The following QRFPR variants were observed in gnomAD, a reference collection of about 807,000 sequenced individuals.
QRFPR encodes pyroglutamylated RF-amide peptide receptor.
In QRFPR, 37 loss-of-function variants were observed where a neutral mutation model predicts 31.3. The observed-to-expected ratio is 1.18, with a 90% CI of 0.91 to 1.56. The LOEUF (loss-of-function observed/expected upper bound fraction) is 1.56, where lower values mean the gene tolerates loss of function less well. Among genes scored for constraint, QRFPR ranks in the 40% most tolerant of loss-of-function variants. The pLI is 0.00. For synonymous variants in QRFPR, 197 were observed against 192.0 expected, an observed-to-expected ratio of 1.03 and a Z score of -0.22; for missense variants, 542 against 532.5, an observed-to-expected ratio of 1.02 and a Z score of -0.18.
At chr4:121,362,566 A>C (rs11734185) in intron 1 of QRFPR, among the ~76,000 whole-genome samples, 40,912 of 149,750 alleles carry the variant, frequency 0.27, 7,773 homozygotes, top group Non-Finnish European at 0.35. Context: ...CACTACCCAA[A>C]TTCAGACTTA....
chr4:121,353,773 A>C (rs1725810442), intron 1 of QRFPR, among the ~76,000 whole-genome samples: 1 of 152,102 alleles, frequency 6.6e-6, no homozygotes, highest in Non-Finnish European at 1.5e-5. Context: ...GGTTTTACTC[A>C]AGAAATCTTT....
intron 2 of QRFPR, among the ~76,000 whole-genome samples, chr4:121,337,959 G>A (rs1213119042): frequency 6.6e-6 from 1 of 152,106 alleles, no homozygotes; most frequent in Admixed American, 6.5e-5. Context: ...CTCGAACTCT[G>A]CTTGTTCTTT....
Position 121,329,514 on chromosome 4 carries a change from C to T in QRFPR, c.1096G>A (p.Gly366Arg). The T allele has an allele frequency of 6.2e-7, 1 of 1,614,032 alleles. No homozygotes were observed. The highest frequency in any genetic ancestry group is 1.1e-5 in the South Asian group (1 of 91,060). Residue 366 changes from glycine to arginine, a missense_variant, in exon 6 of 6, where the codon GGA becomes AGA. Coordinates refer to ENST00000394427, the MANE Select transcript of QRFPR (RefSeq NM_198179.3). ...GCTTTCTTCCGCATCATTGTAATTC[C>T]TGAATTTCCATGCCTTTGTGCTGGA... ...FSPAQRHGNS[G>R]ITMMRKKAKF...
rs890239379 is a variant in QRFPR, at chr4:121,355,786, T to TA, written c.341-15177dup. Reference sequence around the variant, plus strand: ...CATTTTTATTTGTTTTAAGAAATTTTAAAAAAAACTTAAAAATTTCTTTAT... The same window carrying TA: ...CATTTTTATTTGTTTTAAGAAATTTTAAAAAAAAACTTAAAAATTTCTTTAT... On this transcript the variant is annotated intron_variant, in intron 1 of 5. Transcript: ENST00000394427. Among the ~76,000 whole-genome samples, 5 of 151,916 alleles carry TA rather than the reference T, an allele frequency of 3.3e-5. No individual in the cohort carries two copies. In the East Asian group the frequency reaches 5.8e-4, roughly 18 times the overall value.
intron 1 of QRFPR, among the ~76,000 whole-genome samples, chr4:121,364,597 G>T (rs533638907): frequency 7.4e-5 from 11 of 147,772 alleles, no homozygotes; most frequent in Non-Finnish European, 1.2e-4. Flanking sequence ...CCGAGATTGC[G>T]CCACTGCACT....
At chr4:121,343,251 T>C (rs143948477) in intron 1 of QRFPR, among the ~76,000 whole-genome samples, 1 of 152,312 alleles carries the variant, frequency 6.6e-6, no homozygotes, top group Non-Finnish European at 1.5e-5. Flanking sequence ...GAAATCAACT[T>C]GAAATGAACT....
intron 3 of QRFPR, 148 bp from the exon 4 acceptor site, chr4:121,333,204 T>C: frequency 1.7e-6 from 1 of 605,068 alleles, no homozygotes; most frequent in Non-Finnish European, 2.9e-6. Context: ...TTTTAATTGT[T>C]CTTTTGTTGT....
intron 1 of QRFPR, among the ~76,000 whole-genome samples, chr4:121,352,720 T>C (rs1186982931): frequency 6.6e-6 from 1 of 152,092 alleles, no homozygotes; most frequent in East Asian, 1.9e-4. Context: ...TTCTTTGTGT[T>C]AGGAACATTC....
chr4:121,372,657 T>C lies in QRFPR; in HGVS notation c.340+7651A>G, dbSNP rs549001500. The stretch of plus-strand genomic sequence containing the variant: ...GACTTTGCTTATTCTAAATAGTTCA[T>C]GTAAGTAGAATCACACAACATTTGT... On this transcript the variant is annotated intron_variant, in intron 1 of 5. Transcript: ENST00000394427. Among the ~76,000 whole-genome samples, 30 of 152,348 alleles carry C rather than the reference T, an allele frequency of 2.0e-4. No individual in the cohort carries two copies. The East Asian group carries it at 5.2e-3, about 26-fold the overall frequency.
rs143175579 is a variant in QRFPR at position 121,329,382 on chromosome 4, G to A, written c.1228C>T (p.Leu410Phe). ...LCEQTEEKKK[L>F]KRHLALFRSE... ...CTAAAGAGAGCAAGATGTCGTTTGA[G>A]CTTTTTCTTCTCCTCTGTCTGTTCA... Residue 410 changes from leucine to phenylalanine, a missense_variant, in exon 6 of 6, where the codon CTC becomes TTC. Leu to Phe is a conservative substitution (Grantham distance 22). Transcript: ENST00000394427. The A allele has an allele frequency of 4.0e-4, 640 of 1,614,040 alleles. 4 individuals are homozygous for A. The African/African-American group carries it at 8.0e-3, about 20-fold the overall frequency.
At chr4:121,374,253 TG>T (rs1726308125) in intron 1 of QRFPR, among the ~76,000 whole-genome samples, 1 of 152,192 alleles carries the variant, frequency 6.6e-6, no homozygotes, top group African/African-American at 2.4e-5. Context: ...CTGAGCTCCT[TG>T]TTGGACTCCA....
At chr4:121,331,226 C>T (rs1251641459) in intron 4 of QRFPR, among the ~76,000 whole-genome samples, 8 of 138,228 alleles carry the variant, frequency 5.8e-5, no homozygotes, top group African/African-American at 8.4e-5. Context: ...ACTCGGTTGC[C>T]CAGGCTGTAG....
intron 1 of QRFPR, among the ~76,000 whole-genome samples, chr4:121,355,304 A>G (rs1380837636): frequency 6.6e-6 from 1 of 151,994 alleles, no homozygotes; most frequent in Non-Finnish European, 1.5e-5. Flanking sequence ...TTGATAGGTT[A>G]TAGGTGTCTA....
intron 2 of QRFPR, among the ~76,000 whole-genome samples, chr4:121,339,960 G>GA (rs996472346): frequency 8.7e-5 from 13 of 149,534 alleles, no homozygotes; most frequent in African/African-American, 1.5e-4. Context: ...ATCTAAAAAA[G>GA]AAAAAAAAAT....
chr4:121,371,460 A>C (rs372640029), intron 1 of QRFPR, among the ~76,000 whole-genome samples: 2 of 152,332 alleles, frequency 1.3e-5, no homozygotes, highest in South Asian at 4.1e-4. Flanking sequence ...GGGAGAAGGC[A>C]TATGTCCACT....
chr4:121,355,299 A>G (rs925077930), intron 1 of QRFPR, among the ~76,000 whole-genome samples: 4 of 152,108 alleles, frequency 2.6e-5, no homozygotes, highest in African/African-American at 9.7e-5. Context: ...CTATCTTGAT[A>G]GGTTATAGGT....
At chr4:121,331,622 CATTATTATTATT>C (rs59488750) in intron 4 of QRFPR, among the ~76,000 whole-genome samples, 3,636 of 142,700 alleles carry the variant, frequency 0.025, 82 homozygotes, top group East Asian at 0.11. Flanking sequence ...CTCATTATCT[CATTATTATTATT>C]ATTATTATTA....
At chr4:121,375,903 G>C (rs147924754) in intron 1 of QRFPR, among the ~76,000 whole-genome samples, 61 of 152,286 alleles carry the variant, frequency 4.0e-4, no homozygotes, top group African/African-American at 1.3e-3. Flanking sequence ...AATCAGTTCT[G>C]TATTTAGCTG....
intron 4 of QRFPR, 55 bp from the exon 5 acceptor site, chr4:121,330,578 G>T: frequency 7.8e-7 from 1 of 1,284,676 alleles, no homozygotes; most frequent in Non-Finnish European, 1.1e-6. Flanking sequence ...AAATGTGCCA[G>T]CTTGATAGCA....
Sources: gnomAD v4.1 joint callset for allele counts (sites outside exome capture counted in the v4.1 genomes callset) on GRCh38, gnomAD v4.1.1 for gene constraint, MANE v1.5 for transcripts, NCBI Gene and HGNC (gene_info 2026-07-23, HGNC 2026-07-21) for gene names.